The following CSMD1 variants were observed in gnomAD, a reference collection of about 807,000 sequenced individuals.
CSMD1 encodes the protein CUB and Sushi multiple domains 1, also known as CUB and sushi domain-containing protein 1.
Under a neutral mutation model 417.5 loss-of-function variants are expected in CSMD1, and 213 were observed. That is an observed-to-expected ratio of 0.51 (90% CI 0.46 to 0.57). CSMD1 has a LOEUF of 0.57. Among genes scored for constraint, CSMD1 ranks in the 20% least tolerant of loss-of-function variants. CSMD1 has a pLI of 0.00. For missense variants in CSMD1, 6,923 were observed against 4,529.7 expected, an observed-to-expected ratio of 1.53 and a Z score of -15.17; for synonymous variants, 2,862 against 1,736.8, an observed-to-expected ratio of 1.65 and a Z score of -16.11.
At chr8:3,250,674 A>C (rs113231347) in intron 26 of CSMD1, among the ~76,000 whole-genome samples, 177 of 152,348 alleles carry the variant, frequency 1.2e-3, no homozygotes, top group Non-Finnish European at 2.1e-3. Flanking sequence ...TGGTCCCACC[A>C]ACAGTGTAAA....
chr8:4,421,627 G>C (rs1002046569), intron 2 of CSMD1, among the ~76,000 whole-genome samples: 15 of 151,906 alleles, frequency 9.9e-5, no homozygotes, highest in Admixed American at 4.6e-4. Flanking sequence ...TAAAAATACA[G>C]ATAAACTGAA....
At chr8:4,018,565 G>A (rs1796632467) in intron 4 of CSMD1, among the ~76,000 whole-genome samples, 1 of 152,154 alleles carries the variant, frequency 6.6e-6, no homozygotes, top group African/African-American at 2.4e-5. Context: ...GATGAGAAAA[G>A]CAGAGCCTCT....
chr8:3,467,798 TTTA>T (rs1816866845), intron 12 of CSMD1, among the ~76,000 whole-genome samples: 2 of 152,236 alleles, frequency 1.3e-5, no homozygotes, highest in African/African-American at 2.4e-5. Context: ...TGGATGCTTT[TTTA>T]TTATCTCCTT....
chr8:3,637,178 T>C lies in CSMD1; in HGVS notation c.1010-20381A>G, dbSNP rs997002288. On this transcript the variant is annotated intron_variant, in intron 7 of 69. Coordinates refer to ENST00000635120, the MANE Select transcript of CSMD1 (RefSeq NM_033225.6). ...GCAACACAAAATTAACTAGGACAAT[T>C]GTTTAACACAGTTTTTAAGCTGTGT... is the stretch of plus-strand genomic sequence containing the variant. 2.0e-5 allele frequency among the ~76,000 whole-genome samples: 3 copies of C among 152,340 alleles called. No homozygotes were observed. In the East Asian group the frequency reaches 5.8e-4, roughly 29 times the overall value.
chr8:4,389,248 A>C (rs899025374), intron 3 of CSMD1, among the ~76,000 whole-genome samples: 1 of 152,178 alleles, frequency 6.6e-6, no homozygotes, highest in Non-Finnish European at 1.5e-5. Flanking sequence ...TTTGGGTCAT[A>C]TATTAAGCAT....
intron 3 of CSMD1, among the ~76,000 whole-genome samples, chr8:4,375,844 C>G (rs556264961): frequency 6.6e-6 from 1 of 152,174 alleles, no homozygotes; most frequent in African/African-American, 2.4e-5. Flanking sequence ...ACAGACTTCA[C>G]AGTCATCTAA....
At chr8:3,652,706 A>G (rs1398699885) in intron 7 of CSMD1, among the ~76,000 whole-genome samples, 1 of 152,162 alleles carries the variant, frequency 6.6e-6, no homozygotes, top group African/African-American at 2.4e-5. Flanking sequence ...ATGTGATTCA[A>G]TTATCTCCAA....
intron 5 of CSMD1, among the ~76,000 whole-genome samples, chr8:3,814,557 G>T (rs534878247): frequency 6.5e-4 from 99 of 152,280 alleles, no homozygotes; most frequent in African/African-American, 2.3e-3. Context: ...TGTGATATCA[G>T]GGTGGATACC....
intron 3 of CSMD1, among the ~76,000 whole-genome samples, chr8:4,112,402 G>C (rs2130914019): frequency 6.6e-6 from 1 of 152,296 alleles, no homozygotes; most frequent in African/African-American, 2.4e-5. Flanking sequence ...TGACAAGGCT[G>C]AGCTTGCCAG....
chr8:3,425,799 A>C (rs1450548663), intron 12 of CSMD1, among the ~76,000 whole-genome samples: 1 of 152,226 alleles, frequency 6.6e-6, no homozygotes, highest in African/African-American at 2.4e-5. Context: ...GGTAAATTTC[A>C]GCACCTTGAT....
At chr8:4,586,105 A>T (rs1285568504) in intron 2 of CSMD1, among the ~76,000 whole-genome samples, 2 of 152,240 alleles carry the variant, frequency 1.3e-5, no homozygotes, top group African/African-American at 4.8e-5. Context: ...TAATGATGAG[A>T]TCAGGGTAAT....
At chr8:3,636,823 T>A (rs1005348996) in intron 7 of CSMD1, among the ~76,000 whole-genome samples, 35 of 152,162 alleles carry the variant, frequency 2.3e-4, no homozygotes, top group African/African-American at 8.2e-4. Context: ...TCTTTATTTT[T>A]TGCTATATGA....
chr8:3,567,515 G>T (rs1303665806), intron 10 of CSMD1, among the ~76,000 whole-genome samples: 1 of 148,518 alleles, frequency 6.7e-6, no homozygotes, highest in Non-Finnish European at 1.5e-5. Context: ...GGGAGGGGAG[G>T]GGGAAGGGGA....
chr8:4,884,264 T>C (rs964418595), intron 1 of CSMD1, among the ~76,000 whole-genome samples: 2 of 152,146 alleles, frequency 1.3e-5, no homozygotes, highest in African/African-American at 2.4e-5. Flanking sequence ...TGTTATTTTT[T>C]CTAGTTACAA....
chr8:4,580,287 C>A (rs1395405550), intron 2 of CSMD1, among the ~76,000 whole-genome samples: 1 of 152,172 alleles, frequency 6.6e-6, no homozygotes, highest in Non-Finnish European at 1.5e-5. Flanking sequence ...CCAGGTGTCT[C>A]CATGCTCATT....
intron 3 of CSMD1, among the ~76,000 whole-genome samples, chr8:4,256,367 C>G (rs1189700082): frequency 6.6e-6 from 1 of 152,162 alleles, no homozygotes; most frequent in Non-Finnish European, 1.5e-5. Flanking sequence ...CAAATGAATA[C>G]ATTGCTCTGA....
chr8:4,568,620 C>T (rs1798733866), intron 2 of CSMD1, among the ~76,000 whole-genome samples: 1 of 152,088 alleles, frequency 6.6e-6, no homozygotes, highest in Non-Finnish European at 1.5e-5. Flanking sequence ...ATGTATAATC[C>T]TATGGGTATA....
At chr8:4,593,461 T>C (rs749331087) in intron 2 of CSMD1, among the ~76,000 whole-genome samples, 1 of 152,204 alleles carries the variant, frequency 6.6e-6, no homozygotes, top group Non-Finnish European at 1.5e-5. Context: ...AATGGCCATT[T>C]AGTGAAAGTG....
intron 3 of CSMD1, among the ~76,000 whole-genome samples, chr8:4,317,645 T>A (rs887200564): frequency 6.6e-6 from 1 of 151,850 alleles, no homozygotes; most frequent in Non-Finnish European, 1.5e-5. Context: ...CAATTTTATT[T>A]ACTGACAAGC....
Sources: gnomAD v4.1 joint callset for allele counts (sites outside exome capture counted in the v4.1 genomes callset) on GRCh38, gnomAD v4.1.1 for gene constraint, MANE v1.5 for transcripts, NCBI Gene and HGNC (gene_info 2026-07-23, HGNC 2026-07-21) for gene names.